The following CORO2B variants were observed in gnomAD, a reference collection of about 807,000 sequenced individuals.
The protein encoded by CORO2B is coronin-2B.
CORO2B carries 26 observed loss-of-function variants against 58.8 expected under a neutral mutation model. The ratio of observed to expected loss-of-function variants is 0.44; its 90% CI spans 0.32 to 0.61. The LOEUF (loss-of-function observed/expected upper bound fraction) is 0.61, where lower values mean the gene tolerates loss of function less well. Ranked by LOEUF, CORO2B falls within the 20% of genes least tolerant of loss-of-function variation. The pLI is 0.04. For synonymous variants in CORO2B, 242 were observed against 253.8 expected (o/e 0.95, Z 0.44); for missense variants, 460 against 645.1 (o/e 0.71, Z 3.11).
chr15:68,546,268 G>A, the CORO2B span, among the ~76,000 whole-genome samples: 3 of 152,118 alleles, frequency 2.0e-5, no homozygotes, highest in Admixed American at 2.0e-4. Context: ...TTTGCTTCAA[G>A]GCTTCCCAGT....
At chr15:68,666,106 C>G (rs1019729507) in intron 2 of CORO2B, among the ~76,000 whole-genome samples, 4 of 152,162 alleles carry the variant, frequency 2.6e-5, no homozygotes, top group African/African-American at 7.2e-5. Flanking sequence ...AATCATTTAG[C>G]AGTGAACACC....
chr15:68,631,630 C>CG (rs1428440444), intron 1 of CORO2B, among the ~76,000 whole-genome samples: 5 of 152,144 alleles, frequency 3.3e-5, no homozygotes, highest in African/African-American at 1.2e-4. Flanking sequence ...TTACAGCCTC[C>CG]GGGAGAAGTT....
chr15:68,575,039 G>A (rs2140545164), upstream of CORO2B, among the ~76,000 whole-genome samples: 1 of 152,294 alleles, frequency 6.6e-6, no homozygotes, highest in South Asian at 2.1e-4. Flanking sequence ...GCAGCTTAGA[G>A]CATCTGAAAG....
intron 1 of CORO2B, among the ~76,000 whole-genome samples, chr15:68,603,293 G>A (rs527653151): frequency 2.2e-4 from 33 of 152,324 alleles, no homozygotes; most frequent in African/African-American, 6.3e-4. Context: ...ATGAATGAAC[G>A]AGTGGATGGA....
intron 1 of CORO2B, among the ~76,000 whole-genome samples, chr15:68,623,666 C>G (rs1900589175): frequency 6.6e-6 from 1 of 152,196 alleles, no homozygotes; most frequent in Non-Finnish European, 1.5e-5. Flanking sequence ...TTGGGCGTCT[C>G]CATCCCAGCA....
the CORO2B span, among the ~76,000 whole-genome samples, chr15:68,551,760 ACT>A: frequency 6.6e-6 from 1 of 152,284 alleles, no homozygotes; most frequent in African/African-American, 2.4e-5. Context: ...AGTTACAAAA[ACT>A]GCAGTTTAAT....
chr15:68,683,564 C>T (rs1242058993), intron 2 of CORO2B, among the ~76,000 whole-genome samples: 1 of 151,166 alleles, frequency 6.6e-6, no homozygotes, highest in African/African-American at 2.5e-5. Flanking sequence ...TTTGGTGCAC[C>T]ACCCCTCCCC....
chr15:68,661,096 A>G (rs1357846562), intron 2 of CORO2B, among the ~76,000 whole-genome samples: 2 of 147,404 alleles, frequency 1.4e-5, no homozygotes, highest in Admixed American at 6.8e-5. Flanking sequence ...TCCTGCCTCA[A>G]CCTCCCCAGT....
Position 68,719,446 on chromosome 15 carries a change from A to G in CORO2B, c.1205A>G (p.Lys402Arg). The G allele has an allele frequency of 6.2e-7, 1 of 1,614,214 alleles. No homozygotes were observed. Among genetic ancestry groups the G allele is most frequent in the Non-Finnish European group, 8.5e-7 (1 of 1,180,034 alleles). ...PVLMSLKEGYKKSSKMVFKAP... is the reference protein window; with the variant it reads ...PVLMSLKEGYRKSSKMVFKAP... ...CTGATGTCTTTGAAAGAAGGCTATAAGAAGTCCTCAAAAATGGTATTTAAG... is the reference window on the plus strand; with the variant it reads ...CTGATGTCTTTGAAAGAAGGCTATAGGAAGTCCTCAAAAATGGTATTTAAG... The change falls in exon 11 of 12, where the codon AAG becomes AGG. Residue 402 changes from lysine to arginine, a missense_variant. Physicochemically the swap from Lys to Arg is conservative, Grantham distance 26. This residue lies in a region of CORO2B where 108 missense variants were observed against 102.1 expected (regional missense o/e 1.06). Coordinates refer to ENST00000261861, the MANE Select transcript of CORO2B (RefSeq NM_006091.5).
At chr15:68,618,236 T>A (rs181994924) in intron 1 of CORO2B, among the ~76,000 whole-genome samples, 9 of 152,368 alleles carry the variant, frequency 5.9e-5, no homozygotes, top group East Asian at 1.9e-4. Flanking sequence ...TCATTTTTTT[T>A]AAATACTGGT....
At chr15:68,611,262 T>TA (rs1900242061) in intron 1 of CORO2B, among the ~76,000 whole-genome samples, 1 of 152,210 alleles carries the variant, frequency 6.6e-6, no homozygotes, top group Non-Finnish European at 1.5e-5. Context: ...TTTCAGATTG[T>TA]AAAAATGATA....
chr15:68,657,286 G>T (rs757341956), intron 2 of CORO2B, among the ~76,000 whole-genome samples: 8 of 152,158 alleles, frequency 5.3e-5, no homozygotes, highest in Non-Finnish European at 8.8e-5. Context: ...GGAGGCCAAG[G>T]TGGAAGGATT....
intron 3 of CORO2B, among the ~76,000 whole-genome samples, chr15:68,708,289 G>C (rs1892829156): frequency 6.6e-6 from 1 of 151,972 alleles, no homozygotes; most frequent in East Asian, 1.9e-4. Context: ...GGAATTCCCT[G>C]AGGGGCACCC....
At chr15:68,536,389 A>T in the CORO2B span, among the ~76,000 whole-genome samples, 1 of 152,222 alleles carries the variant, frequency 6.6e-6, no homozygotes, top group Non-Finnish European at 1.5e-5. Flanking sequence ...TAGGAATCTT[A>T]TGTGACTTTG....
At chr15:68,548,037 G>A in the CORO2B span, among the ~76,000 whole-genome samples, 1 of 151,976 alleles carries the variant, frequency 6.6e-6, no homozygotes, top group East Asian at 1.9e-4. Flanking sequence ...CTGGCATGGT[G>A]GTGCATGCCT....
At chr15:68,639,261 G>C (rs1304041876) in intron 1 of CORO2B, among the ~76,000 whole-genome samples, 1 of 152,198 alleles carries the variant, frequency 6.6e-6, no homozygotes, top group Non-Finnish European at 1.5e-5. Context: ...TCAGCTATAA[G>C]GGAGCCCTGA....
chr15:68,534,392 G>A, the CORO2B span, among the ~76,000 whole-genome samples: 1 of 152,178 alleles, frequency 6.6e-6, no homozygotes, highest in Non-Finnish European at 1.5e-5. Flanking sequence ...TGGTAAAGTG[G>A]CACTTCTTAA....
Position 68,579,087 on chromosome 15 carries a change from C to A in CORO2B, c.-176C>A. ...GCGACGAGCGGCGGGCGAGCGCCGACGAGCGGTCCCTGCGCGCTGCCCGCC... is the reference window on the plus strand; with the variant it reads ...GCGACGAGCGGCGGGCGAGCGCCGAAGAGCGGTCCCTGCGCGCTGCCCGCC... On this transcript the variant is annotated 5_prime_UTR_variant, in exon 1 of 12. Transcript: ENST00000261861. 2.0e-6 allele frequency: 2 copies of A among 983,250 alleles called. No homozygotes were observed. The highest frequency in any genetic ancestry group is 2.4e-6 in the Non-Finnish European group (2 of 829,124). The allele number at this position is 983,250 out of a possible 1,614,324, so 60.9% of individuals were successfully genotyped here. A position where few individuals can be genotyped will look rare whatever the true frequency, so the allele number is the denominator to read the frequency against.
chr15:68,665,335 A>AG (rs1474651389), intron 2 of CORO2B, among the ~76,000 whole-genome samples: 1 of 152,046 alleles, frequency 6.6e-6, no homozygotes, highest in Non-Finnish European at 1.5e-5. Flanking sequence ...TTTTCTACTT[A>AG]ATAGTCTTGT....
Sources: gnomAD v4.1 joint callset for allele counts (sites outside exome capture counted in the v4.1 genomes callset) on GRCh38, gnomAD v4.1.1 for gene constraint, gnomAD v4.1.1 regional missense constraint, MANE v1.5 for transcripts, NCBI Gene and HGNC (gene_info 2026-07-23, HGNC 2026-07-21) for gene names.